Variants in IL1RAPL2 observed in about 807,000 individuals in gnomAD.
IL1RAPL2 encodes the protein X-linked interleukin-1 receptor accessory protein-like 2.
Under a neutral mutation model 44.1 loss-of-function variants are expected in IL1RAPL2, and 3 were observed. The ratio of observed to expected loss-of-function variants is 0.07; its 90% CI spans 0.03 to 0.18. The LOEUF (loss-of-function observed/expected upper bound fraction) is 0.18. Among genes scored for constraint, IL1RAPL2 ranks in the 10% least tolerant of loss-of-function variants. The pLI, the probability that IL1RAPL2 is intolerant of heterozygous loss-of-function variation, is 1.00. For synonymous variants in IL1RAPL2, 181 were observed against 178.8 expected (o/e 1.01, Z -0.10); for missense variants, 391 against 496.4 (o/e 0.79, Z 2.02).
In IL1RAPL2 at chrX:105,501,144, A is replaced by G. The variant is rs778995531; in HGVS notation, c.772+16757A>G. 3.6e-5 allele frequency among the ~76,000 whole-genome samples: 4 copies of G among 111,971 alleles called. No individual in the cohort carries two copies. In the South Asian group the frequency reaches 1.5e-3, roughly 41 times the overall value. On this transcript the variant is annotated intron_variant, in intron 6 of 10. Coordinates refer to ENST00000372582, the MANE Select transcript of IL1RAPL2 (RefSeq NM_017416.2). ...ATTTTATGTATGTGTGCACAGTCGT[A>G]TGTATGAACAAATTTACAGATATGT... is the stretch of plus-strand genomic sequence containing the variant.
intron 2 of IL1RAPL2, among the ~76,000 whole-genome samples, chrX:104,681,516 G>C (rs767762194): frequency 8.9e-6 from 1 of 112,167 alleles, no homozygotes; most frequent in African/African-American, 3.2e-5. Flanking sequence ...ATTTTTCCTT[G>C]GAATAAAGAA....
intron 5 of IL1RAPL2, among the ~76,000 whole-genome samples, chrX:105,306,138 C>A (rs1446049190): frequency 2.7e-5 from 3 of 111,089 alleles, no homozygotes; most frequent in African/African-American, 9.8e-5. Flanking sequence ...ATATTTTGCC[C>A]TATTTGCTTT....
At chrX:104,659,440 C>T (rs5962969) in intron 2 of IL1RAPL2, among the ~76,000 whole-genome samples, 18,812 of 111,196 alleles carry the variant, frequency 0.17, 3,930 homozygotes, top group African/African-American at 0.59. Context: ...CAGGGGTCTA[C>T]AGCCTCCAAG....
At chrX:105,196,007 C>T (rs945179086) in intron 3 of IL1RAPL2, among the ~76,000 whole-genome samples, 6 of 111,583 alleles carry the variant, frequency 5.4e-5, no homozygotes, top group African/African-American at 1.3e-4. Context: ...TCGGGCCGGG[C>T]GCAGTGGCTC....
In IL1RAPL2 at chrX:105,355,576, G is replaced by A. The variant is rs192026142; in HGVS notation, c.697+88035G>A. ...TTTCTAACTAGACTATATGAACCAT[G>A]AGGCCATGGATCATCTTTATGTTGC... On this transcript the variant is annotated intron_variant, in intron 5 of 10. Coordinates refer to ENST00000372582, the MANE Select transcript of IL1RAPL2 (RefSeq NM_017416.2). Among the ~76,000 whole-genome samples the A allele has an allele frequency of 9.0e-5, 10 of 111,471 alleles. No homozygotes were observed. The East Asian group carries it at 2.5e-3, about 28-fold the overall frequency.
At chrX:104,936,945 G>A (rs1286491463) in intron 2 of IL1RAPL2, among the ~76,000 whole-genome samples, 1 of 111,728 alleles carries the variant, frequency 9.0e-6, no homozygotes, top group East Asian at 2.8e-4. Flanking sequence ...CATGTGATAA[G>A]GTAGATGAAT....
intron 3 of IL1RAPL2, among the ~76,000 whole-genome samples, chrX:105,227,835 A>G (rs1292480572): frequency 8.9e-6 from 1 of 112,313 alleles, no homozygotes; most frequent in Non-Finnish European, 1.9e-5. Flanking sequence ...AATATTTGCA[A>G]TTTAAACTTT....
At chrX:105,586,875 T>C (rs1340754485) in intron 6 of IL1RAPL2, among the ~76,000 whole-genome samples, 1 of 112,458 alleles carries the variant, frequency 8.9e-6, no homozygotes, top group Non-Finnish European at 1.9e-5. Context: ...TAAAAAATTA[T>C]ATATGCCTTG....
intron 5 of IL1RAPL2, among the ~76,000 whole-genome samples, chrX:105,318,121 C>T (rs1237182794): frequency 2.7e-5 from 3 of 110,210 alleles, no homozygotes; most frequent in African/African-American, 9.9e-5. Flanking sequence ...TACAGGCGCC[C>T]GCCACCACGC....
At chrX:104,979,655 A>T (rs893598860) in intron 2 of IL1RAPL2, among the ~76,000 whole-genome samples, 1 of 112,445 alleles carries the variant, frequency 8.9e-6, no homozygotes, top group African/African-American at 3.2e-5. Flanking sequence ...AGTTACATTT[A>T]TGAGTAAATG....
chrX:104,588,194 C>T (rs1002403023), intron 1 of IL1RAPL2, among the ~76,000 whole-genome samples: 1 of 111,179 alleles, frequency 9.0e-6, no homozygotes, highest in South Asian at 3.8e-4. Flanking sequence ...CTAAGTTGTG[C>T]GTGACTTAAT....
In IL1RAPL2 at chrX:105,109,365, C is replaced by T. The variant is rs1315855684; in HGVS notation, c.83-86110C>T. Among the ~76,000 whole-genome samples, 3 of 112,080 alleles carry T rather than the reference C, an allele frequency of 2.7e-5. No homozygotes were observed. In the East Asian group the frequency reaches 8.4e-4, roughly 31 times the overall value. ...AAACGTAGACACTGCCCACATCTGC[C>T]ACTTGATGAATGGATAAGCAAATGT... On this transcript the variant is annotated intron_variant, in intron 2 of 10. Coordinates refer to ENST00000372582, the MANE Select transcript of IL1RAPL2 (RefSeq NM_017416.2).
chrX:105,016,383 C>T (rs1366023907), intron 2 of IL1RAPL2, among the ~76,000 whole-genome samples: 1 of 111,019 alleles, frequency 9.0e-6, no homozygotes, highest in Admixed American at 9.6e-5. Context: ...GGCATCCTTG[C>T]CTTCTGCCAG....
chrX:105,109,232 A>G (rs1403731696), intron 2 of IL1RAPL2, among the ~76,000 whole-genome samples: 1 of 112,146 alleles, frequency 8.9e-6, no homozygotes, highest in Non-Finnish European at 1.9e-5. Flanking sequence ...CATGAAGGCC[A>G]GAACTGTGTC....
chrX:105,036,693 T>A (rs2031635306), intron 2 of IL1RAPL2, among the ~76,000 whole-genome samples: 1 of 112,257 alleles, frequency 8.9e-6, no homozygotes. Flanking sequence ...TTGGTGTCAA[T>A]AACCCACATG....
At chrX:105,029,146 A>G (rs181748959) in intron 2 of IL1RAPL2, among the ~76,000 whole-genome samples, 7 of 106,186 alleles carry the variant, frequency 6.6e-5, no homozygotes, top group East Asian at 5.9e-4. Flanking sequence ...TCATATCTCA[A>G]TTTTCAAGTT....
At chrX:105,035,516 A>G (rs2147755810) in intron 2 of IL1RAPL2, among the ~76,000 whole-genome samples, 1 of 112,424 alleles carries the variant, frequency 8.9e-6, no homozygotes, top group African/African-American at 3.2e-5. Flanking sequence ...TCTACAGTTC[A>G]CATTAAGAAA....
intron 5 of IL1RAPL2, among the ~76,000 whole-genome samples, chrX:105,465,577 A>G (rs2036122587): frequency 8.9e-6 from 1 of 112,020 alleles, no homozygotes; most frequent in African/African-American, 3.2e-5. Context: ...TCAAATTTCA[A>G]CTTTGTATAG....
intron 2 of IL1RAPL2, among the ~76,000 whole-genome samples, chrX:104,856,392 C>A (rs1922467711): frequency 9.0e-6 from 1 of 111,662 alleles, no homozygotes; most frequent in African/African-American, 3.3e-5. Flanking sequence ...ACATTAACAA[C>A]AGGAAAATGA....
Sources: gnomAD v4.1 joint callset for allele counts (sites outside exome capture counted in the v4.1 genomes callset) on GRCh38, gnomAD v4.1.1 for gene constraint, MANE v1.5 for transcripts, NCBI Gene and HGNC (gene_info 2026-07-23, HGNC 2026-07-21) for gene names.